Variants in SEMA6D observed in about 807,000 individuals in gnomAD.
The protein encoded by SEMA6D is semaphorin 6D.
Under a neutral mutation model 106.6 loss-of-function variants are expected in SEMA6D, and 35 were observed. That is an observed-to-expected ratio of 0.33 (90% CI 0.25 to 0.44). The LOEUF (loss-of-function observed/expected upper bound fraction) is 0.44. Among genes scored for constraint, SEMA6D ranks in the 20% least tolerant of loss-of-function variants. The probability of loss-of-function intolerance (pLI) is 1.00; values close to 1 mark genes in which losing one functional copy is unlikely to be tolerated. For synonymous variants in SEMA6D, 499 were observed against 487.7 expected (o/e 1.02, Z -0.31); for missense variants, 1,185 against 1,345.9 (o/e 0.88, Z 1.87).
intron 3 of SEMA6D, among the ~76,000 whole-genome samples, chr15:47,568,830 A>G (rs543241813): frequency 3.1e-4 from 47 of 152,282 alleles, no homozygotes; most frequent in African/African-American, 1.1e-3. Context: ...AAGTGAGCTA[A>G]CACACATAAC....
At chr15:47,533,822 C>T (rs945790688) in intron 3 of SEMA6D, among the ~76,000 whole-genome samples, 1 of 152,186 alleles carries the variant, frequency 6.6e-6, no homozygotes, top group Non-Finnish European at 1.5e-5. Flanking sequence ...GAAGCCAAAA[C>T]TGGGATACCA....
chr15:47,212,317 T>C (rs2141236365), intron 1 of SEMA6D, among the ~76,000 whole-genome samples: 1 of 152,322 alleles, frequency 6.6e-6, no homozygotes, highest in Middle Eastern at 3.4e-3. Context: ...ATCACTTTGT[T>C]GTGTATACCT....
At chr15:47,534,170 G>C (rs765874986) in intron 3 of SEMA6D, among the ~76,000 whole-genome samples, 1 of 151,960 alleles carries the variant, frequency 6.6e-6, no homozygotes, top group Non-Finnish European at 1.5e-5. Flanking sequence ...CTAGCAAGAA[G>C]GTATCTAAGC....
At chr15:47,517,223 T>C (rs1053472782) in intron 3 of SEMA6D, among the ~76,000 whole-genome samples, 19 of 152,134 alleles carry the variant, frequency 1.2e-4, no homozygotes, top group Non-Finnish European at 2.5e-4. Context: ...GGCTGCCTGA[T>C]TTTTCCATTG....
At chr15:47,609,424 A>C (rs1236840708) in intron 4 of SEMA6D, among the ~76,000 whole-genome samples, 3 of 152,164 alleles carry the variant, frequency 2.0e-5, no homozygotes, top group Non-Finnish European at 4.4e-5. Flanking sequence ...TGAGTCTACA[A>C]GTTTAAAAAC....
At chr15:47,398,313 T>C (rs1162623453) in intron 1 of SEMA6D, among the ~76,000 whole-genome samples, 3 of 152,240 alleles carry the variant, frequency 2.0e-5, no homozygotes, top group Non-Finnish European at 1.5e-5. Context: ...TCTTATCTGA[T>C]CTGGCTCTGT....
chr15:47,508,696 C>T (rs2044131079), intron 3 of SEMA6D, among the ~76,000 whole-genome samples: 2 of 152,222 alleles, frequency 1.3e-5, no homozygotes, highest in African/African-American at 4.8e-5. Flanking sequence ...AGTGTAACCT[C>T]AGGATTGTTA....
At chr15:47,765,847 C>G in intron 13 of SEMA6D, 22 bp from the exon 14 acceptor site, 5 of 1,482,620 alleles carry the variant, frequency 3.4e-6, no homozygotes, top group Non-Finnish European at 4.5e-6. Context: ...CATATGGCTT[C>G]AAAATGTATC....
At chr15:47,508,554 C>A (rs1456775166) in intron 3 of SEMA6D, among the ~76,000 whole-genome samples, 3 of 152,120 alleles carry the variant, frequency 2.0e-5, no homozygotes, top group Non-Finnish European at 4.4e-5. Flanking sequence ...TTTTTAAAAG[C>A]AATTTCAATC....
At chr15:47,295,521 T>G (rs1472006645) in intron 1 of SEMA6D, among the ~76,000 whole-genome samples, 1 of 152,156 alleles carries the variant, frequency 6.6e-6, no homozygotes, top group Non-Finnish European at 1.5e-5. Context: ...TTTAGATTAC[T>G]CTCCTAAAGA....
intron 8 of SEMA6D, 118 bp downstream of exon 8, chr15:47,762,437 G>A: frequency 1.8e-6 from 2 of 1,135,690 alleles, no homozygotes; most frequent in African/African-American, 1.5e-5. Flanking sequence ...TTTAGAACAA[G>A]TACACACTGC....
rs576174965 is a variant in SEMA6D, at chr15:47,620,680, C to A, written c.-55+19784C>A. ...AGTGGTCGTTGTGGCTGAGGGGTTT[C>A]ACTTGCCTTTAAAATATATATATAT... On this transcript the variant is annotated intron_variant, in intron 4 of 19. Transcript: ENST00000558014. 1.8e-3 allele frequency among the ~76,000 whole-genome samples: 276 copies of A among 150,372 alleles called. 3 individuals carry two copies. The highest frequency in any genetic ancestry group is 0.012 in the South Asian group (55 of 4,670).
intron 1 of SEMA6D, among the ~76,000 whole-genome samples, chr15:47,375,065 C>A (rs771392000): frequency 6.6e-6 from 1 of 152,192 alleles, no homozygotes; most frequent in Non-Finnish European, 1.5e-5. Context: ...TATTTCTTAA[C>A]TATATTTTGT....
rs528676850 is a variant in SEMA6D at position 47,461,266 on chromosome 15, C to T, written c.-158-9208C>T. Among the ~76,000 whole-genome samples, 44 of 152,204 alleles carry T rather than the reference C, an allele frequency of 2.9e-4. No individual in the cohort carries two copies. The South Asian group carries it at 4.2e-3, about 14-fold the overall frequency. On this transcript the variant is annotated intron_variant, in intron 2 of 19. Coordinates refer to the SEMA6D transcript ENST00000558014. ...ATCTCATCACACTGTCATTATTCCACATGCAGAAACCTTGCACTCTGAAAT... is the reference window on the plus strand; with the variant it reads ...ATCTCATCACACTGTCATTATTCCATATGCAGAAACCTTGCACTCTGAAAT...
intron 6 of SEMA6D, 67 bp downstream of exon 6, chr15:47,761,498 A>C (rs2082059157): frequency 7.3e-7 from 1 of 1,366,702 alleles, no homozygotes; most frequent in East Asian, 2.3e-5. Flanking sequence ...ATGCTGTTAG[A>C]GTTGAAATCT....
At chr15:47,694,585 G>A (rs1476791633) in intron 4 of SEMA6D, among the ~76,000 whole-genome samples, 2 of 151,968 alleles carry the variant, frequency 1.3e-5, no homozygotes, top group Non-Finnish European at 2.9e-5. Context: ...TCCTGCTTGT[G>A]GCCATCAATC....
In SEMA6D at chr15:47,657,719, CTTTTTTTTTTTTTTTTTTTTTTTTT is replaced by C. The variant is rs71118191; in HGVS notation, c.-55+56839_-55+56863del. On this transcript the variant is annotated intron_variant, in intron 4 of 19. Coordinates refer to the SEMA6D transcript ENST00000558014. ...CATTTAGTGACAGAGGGCTTCATTT[CTTTTTTTTTTTTTTTTTTTTTTTTT>C]TTTTTTTTTTTTTTTGAGACAGAGT... Among the ~76,000 whole-genome samples, 6 of 54,676 alleles carry C rather than the reference CTTTTTTTTTTTTTTTTTTTTTTTTT, an allele frequency of 1.1e-4. 1 individual carries two copies. The highest frequency in any genetic ancestry group is 1.1e-3 in the East Asian group (2 of 1,808). The allele number at this position is 54,676 out of a possible 152,430, so 35.9% of individuals were successfully genotyped here.
At chr15:47,685,838 G>T (rs1420858319) in intron 4 of SEMA6D, among the ~76,000 whole-genome samples, 2 of 152,314 alleles carry the variant, frequency 1.3e-5, no homozygotes, top group East Asian at 1.9e-4. Context: ...CCATGTTCTT[G>T]TTATGGCTTT....
intron 2 of SEMA6D, among the ~76,000 whole-genome samples, chr15:47,438,344 T>C (rs1460078211): frequency 6.6e-6 from 1 of 152,018 alleles, no homozygotes; most frequent in East Asian, 1.9e-4. Context: ...CTAGAACCCA[T>C]CTCAACACAG....
Sources: gnomAD v4.1 joint callset for allele counts (sites outside exome capture counted in the v4.1 genomes callset) on GRCh38, gnomAD v4.1.1 for gene constraint, MANE v1.5 for transcripts, NCBI Gene and HGNC (gene_info 2026-07-23, HGNC 2026-07-21) for gene names.